Variants in TTC3 observed in about 807,000 individuals in gnomAD.
TTC3 encodes the protein tetratricopeptide repeat domain 3.
A neutral mutation model predicts 249.6 loss-of-function variants in TTC3; 180 were observed. That is an observed-to-expected ratio of 0.72 (90% CI 0.64 to 0.82). The LOEUF is 0.82. Among genes scored for constraint, TTC3 ranks in the 40% least tolerant of loss-of-function variants. The pLI is 0.00. For synonymous variants in TTC3, 717 were observed against 805.0 expected, an observed-to-expected ratio of 0.89 and a Z score of 1.85; for missense variants, 2,061 against 2,398.4, an observed-to-expected ratio of 0.86 and a Z score of 2.94.
At chr21:37,114,023 A>G (rs915258220) in intron 11 of TTC3, among the ~76,000 whole-genome samples, 5 of 152,238 alleles carry the variant, frequency 3.3e-5, no homozygotes, top group Admixed American at 1.3e-4. Flanking sequence ...CTTGCACCTT[A>G]TACAAAAATT....
chr21:37,167,517 T>G, intron 33 of TTC3, 38 bp from the exon 34 acceptor site: 4 of 1,446,980 alleles, frequency 2.8e-6, no homozygotes, highest in South Asian at 1.2e-5. Flanking sequence ...CTAGAGCGAT[T>G]GAGATAAAGT....
At chr21:37,123,318 T>C (rs2076778084) in intron 13 of TTC3, among the ~76,000 whole-genome samples, 1 of 152,190 alleles carries the variant, frequency 6.6e-6, no homozygotes, top group Admixed American at 6.5e-5. Context: ...ATGGGACCAG[T>C]TTGGCCATGA....
Position 37,148,662 on chromosome 21 carries a change from G to T in TTC3, c.2118+15G>T. 6.5e-7 allele frequency: 1 copy of T among 1,530,574 alleles called. No individual in the cohort carries two copies. Among genetic ancestry groups the T allele is most frequent in the South Asian group, 1.3e-5 (1 of 79,974 alleles). 94.8% of individuals were successfully genotyped at this position (1,530,574 alleles called of 1,614,324 possible). ...AAATTGACAAGGTAAAGCATAACAG[G>T]ATTGTCTGAATTTTTCAGTATACTT... On this transcript the variant is annotated intron_variant, in intron 23 of 45. Coordinates refer to ENST00000355666, the Ensembl canonical transcript of TTC3.
At chr21:37,127,165 T>C (rs1214744598) in intron 15 of TTC3, among the ~76,000 whole-genome samples, 1 of 152,168 alleles carries the variant, frequency 6.6e-6, no homozygotes, top group East Asian at 1.9e-4. Context: ...TGGGGTCTCT[T>C]CTTATAAGGG....
chr21:37,160,682 T>C (rs2080636910), intron 29 of TTC3, 120 bp from the exon 30 acceptor site: 1 of 1,045,426 alleles, frequency 9.6e-7, no homozygotes, highest in Non-Finnish European at 1.4e-6. Flanking sequence ...GTTATTTTTG[T>C]TAAACATTTT....
At chr21:37,190,373 A>T (rs1258671817) in intron 39 of TTC3, among the ~76,000 whole-genome samples, 1 of 151,852 alleles carries the variant, frequency 6.6e-6, no homozygotes, top group Non-Finnish European at 1.5e-5. Context: ...TGACCTGGTG[A>T]TCCGCCTGCC....
intron 5 of TTC3, among the ~76,000 whole-genome samples, chr21:37,089,665 C>A (rs775439403): frequency 1.4e-4 from 21 of 152,106 alleles, no homozygotes; most frequent in Non-Finnish European, 2.5e-4. Context: ...AGGCGCCTGC[C>A]ACCATGCCCA....
chr21:37,161,026 A>G (rs2080687979), intron 30 of TTC3, among the ~76,000 whole-genome samples, 168 bp downstream of exon 30: 2 of 152,108 alleles, frequency 1.3e-5, no homozygotes, highest in Non-Finnish European at 2.9e-5. Context: ...AAGAAATTCC[A>G]GGTTCATATT....
chr21:37,106,613 G>A (rs1344390181), intron 10 of TTC3, among the ~76,000 whole-genome samples: 1 of 152,166 alleles, frequency 6.6e-6, no homozygotes, highest in Non-Finnish European at 1.5e-5. Flanking sequence ...GGCCAGGTGC[G>A]GTGGCTCATG....
intron 14 of TTC3, among the ~76,000 whole-genome samples, chr21:37,125,353 A>T (rs1164404622): frequency 2.0e-5 from 3 of 152,170 alleles, no homozygotes; most frequent in Admixed American, 1.3e-4. Flanking sequence ...ATCCTCACTA[A>T]CATTTTTCTT....
intron 11 of TTC3, among the ~76,000 whole-genome samples, chr21:37,120,590 A>G (rs2076506752): frequency 6.6e-6 from 1 of 152,154 alleles, no homozygotes; most frequent in South Asian, 2.1e-4. Flanking sequence ...CTTATACTTT[A>G]GGTGTCAGGA....
intron 12 of TTC3, among the ~76,000 whole-genome samples, chr21:37,122,417 ATAATATATATATATATATATTAT>A (rs71319542): frequency 0.5 from 65,414 of 131,512 alleles, 15,834 homozygotes; most frequent in Non-Finnish European, 0.53. Context: ...ATATATATAT[ATAATATATATATATATATATTAT>A]ATATATATAT....
rs149488033 is a variant in TTC3, at chr21:37,201,547, G to T, written c.6051G>T (p.Gln2017His). Reference sequence around the variant, plus strand: ...GAAGAGGCTGGCCCAGTCAGAATCAGGAGCTGCCTTCCTGCTCTTCTAGGT... The same window carrying T: ...GAAGAGGCTGGCCCAGTCAGAATCATGAGCTGCCTTCCTGCTCTTCTAGGT... Residue 2017 changes from glutamine to histidine, a missense_variant, in exon 46 of 46, where the codon CAG becomes CAT. By Grantham distance (24) the Gln-to-His change is conservative. This residue lies in a region of TTC3 where 1,040 missense variants were observed against 1,186.1 expected (regional missense o/e 0.88). Transcript: ENST00000355666. 5.2e-4 allele frequency: 838 copies of T among 1,614,004 alleles called. 3 individuals are homozygous for T. The African/African-American group carries it at 8.9e-3, about 17-fold the overall frequency.
At chr21:37,160,952 T>G in intron 30 of TTC3, 94 bp downstream of exon 30, 1 of 1,276,664 alleles carries the variant, frequency 7.8e-7, no homozygotes, top group Non-Finnish European at 1.1e-6. Context: ...TGGGATATTT[T>G]GAAACATTTG....
At chr21:37,087,632 A>G (rs963281249) in intron 2 of TTC3, among the ~76,000 whole-genome samples, 1 of 152,158 alleles carries the variant, frequency 6.6e-6, no homozygotes, top group South Asian at 2.1e-4. Flanking sequence ...GGCATAAGAA[A>G]AGCTCTTGGG....
chr21:37,151,762 T>C, intron 25 of TTC3, 131 bp from the exon 26 acceptor site: 1 of 1,056,722 alleles, frequency 9.5e-7, no homozygotes, highest in South Asian at 2.3e-5. Context: ...GTTTCTTACA[T>C]TGAATGGAAG....
At chr21:37,108,363 A>C (rs2075288876) in intron 10 of TTC3, 29 bp from the exon 11 acceptor site, 5 of 1,594,964 alleles carry the variant, frequency 3.1e-6, no homozygotes, top group African/African-American at 2.7e-5. Flanking sequence ...AAAGAGTGAA[A>C]ATTTTTAAAT....
chr21:37,081,012 A>C lies in TTC3; in HGVS notation c.-11-6235A>C, dbSNP rs541077912. 4.9e-3 allele frequency among the ~76,000 whole-genome samples: 720 copies of C among 146,704 alleles called. 9 individuals carry two copies. The highest frequency in any genetic ancestry group is 0.017 in the African/African-American group (690 of 40,194). On this transcript the variant is annotated intron_variant, in intron 1 of 45. Transcript: ENST00000355666. ...TGTTCTTGACAGATCATTTTGATGGATGTACAATTGTAGGTTGGTGTTTCT... is the reference window on the plus strand; with the variant it reads ...TGTTCTTGACAGATCATTTTGATGGCTGTACAATTGTAGGTTGGTGTTTCT...
chr21:37,153,104 A>T (rs779884168), exon 27 of TTC3: 20 of 1,613,866 alleles, frequency 1.2e-5, no homozygotes, highest in Non-Finnish European at 1.7e-5. Context: ...ACAGAAGACT[A>T]TACAACCTGT....
Sources: allele counts gnomAD v4.1 joint callset (sites outside exome capture counted in the v4.1 genomes callset), GRCh38; gene constraint gnomAD v4.1.1; regional missense constraint gnomAD v4.1.1; transcripts MANE v1.5; gene names NCBI Gene and HGNC (gene_info 2026-07-23, HGNC 2026-07-21).